RTKN2: variants seen among roughly 807,000 people sequenced by gnomAD.
RTKN2 encodes rhotekin 2.
In RTKN2, 69 loss-of-function variants were observed where a neutral mutation model predicts 71.5. The observed-to-expected ratio is 0.96, with a 90% CI of 0.79 to 1.18. RTKN2 has a LOEUF of 1.18. Among genes scored for constraint, RTKN2 ranks in the 50% most tolerant of loss-of-function variants. RTKN2 has a pLI of 0.00. For synonymous variants in RTKN2, 236 were observed against 236.5 expected (o/e 1.00, Z 0.02); for missense variants, 724 against 719.7 (o/e 1.01, Z -0.07).
chr10:62,225,568 T>C (rs957173433), intron 6 of RTKN2, among the ~76,000 whole-genome samples: 3 of 152,244 alleles, frequency 2.0e-5, no homozygotes, highest in Non-Finnish European at 4.4e-5. Context: ...TCTGGTTATC[T>C]ACATCAGAGA....
At chr10:62,239,471 C>A in intron 5 of RTKN2, 177 bp downstream of exon 5, 3 of 411,504 alleles carry the variant, frequency 7.3e-6, no homozygotes, top group South Asian at 4.5e-5. Flanking sequence ...CAGAAAACTG[C>A]AGATAGAGAA....
intron 8 of RTKN2, among the ~76,000 whole-genome samples, chr10:62,185,792 A>G (rs1841126390): frequency 6.6e-6 from 1 of 152,168 alleles, no homozygotes; most frequent in Non-Finnish European, 1.5e-5. Flanking sequence ...AGCCACCCCA[A>G]TTTGGGGAGT....
chr10:62,215,871 A>T (rs1841759530), intron 9 of RTKN2, among the ~76,000 whole-genome samples: 1 of 152,038 alleles, frequency 6.6e-6, no homozygotes, highest in Admixed American at 6.5e-5. Context: ...AAGTAATGAA[A>T]AAAGCATGTC....
intron 6 of RTKN2, among the ~76,000 whole-genome samples, chr10:62,225,907 G>A (rs990189859): frequency 2.0e-5 from 3 of 151,162 alleles, no homozygotes; most frequent in African/African-American, 4.9e-5. Context: ...TCAGCCTCCC[G>A]AGTAGCTGGG....
chr10:62,206,136 A>C (rs780490633), intron 9 of RTKN2, among the ~76,000 whole-genome samples: 37 of 152,136 alleles, frequency 2.4e-4, no homozygotes, highest in Non-Finnish European at 4.6e-4. Context: ...CACTTACAGC[A>C]CATCTCGATC....
At chr10:62,215,447 T>C (rs1038542979) in intron 9 of RTKN2, among the ~76,000 whole-genome samples, 2 of 152,046 alleles carry the variant, frequency 1.3e-5, no homozygotes, top group African/African-American at 4.8e-5. Context: ...GGATCCTTGA[T>C]GAGGTCCTGG....
At chr10:62,214,381 A>G (rs1007368276) in intron 9 of RTKN2, among the ~76,000 whole-genome samples, 3 of 152,202 alleles carry the variant, frequency 2.0e-5, no homozygotes, top group Non-Finnish European at 4.4e-5. Context: ...TAAATTAATA[A>G]TTTTCCTGTG....
At chr10:62,235,085 A>T (rs1842227826) in intron 6 of RTKN2, among the ~76,000 whole-genome samples, 1 of 152,124 alleles carries the variant, frequency 6.6e-6, no homozygotes, top group African/African-American at 2.4e-5. Context: ...CAAAATATGG[A>T]AAATTCTACA....
In RTKN2 at chr10:62,195,204, T is replaced by A. The variant is rs1231294531; in HGVS notation, c.*2704A>T. The A allele has an allele frequency of 1.0e-6, 1 of 977,610 alleles. No individual in the cohort carries two copies. The highest frequency in any genetic ancestry group is 1.2e-6 in the Non-Finnish European group (1 of 822,986). The allele number at this position is 977,610 out of a possible 1,614,324, so 60.6% of individuals were successfully genotyped here. A position where few individuals can be genotyped will look rare whatever the true frequency, so the allele number is the denominator to read the frequency against. On this transcript the variant is annotated 3_prime_UTR_variant, in exon 12 of 12. Transcript: ENST00000373789. ...ATCAGAATTATCATATCATAAAATA[T>A]CTATTCTGTTTCCCCAATTATATTA... is the stretch of plus-strand genomic sequence containing the variant.
intron 3 of RTKN2, among the ~76,000 whole-genome samples, chr10:62,243,906 T>TAC (rs1165788081): frequency 6.6e-6 from 1 of 152,168 alleles, no homozygotes; most frequent in Non-Finnish European, 1.5e-5. Flanking sequence ...ACTGATTTGG[T>TAC]TTATTCATTA....
At chr10:62,258,481 C>T (rs1054740361) in intron 2 of RTKN2, among the ~76,000 whole-genome samples, 3 of 152,136 alleles carry the variant, frequency 2.0e-5, no homozygotes, top group African/African-American at 7.2e-5. Flanking sequence ...AAGCTTACTT[C>T]TTTATATGAT....
intron 1 of RTKN2, among the ~76,000 whole-genome samples, chr10:62,266,313 T>G (rs1842867605): frequency 6.6e-6 from 1 of 152,074 alleles, no homozygotes; most frequent in South Asian, 2.1e-4. Flanking sequence ...AAAAACTGAC[T>G]AAAAAAACCT....
intron 8 of RTKN2, among the ~76,000 whole-genome samples, chr10:62,186,306 A>C (rs1841136006): frequency 6.6e-6 from 1 of 152,198 alleles, no homozygotes; most frequent in Non-Finnish European, 1.5e-5. Flanking sequence ...AGTTCCAAAA[A>C]AGTTTCCTTT....
rs1841358892 is a variant in RTKN2 at position 62,197,826 on chromosome 10, T to A, written c.*82A>T. The A allele has an allele frequency of 6.8e-7, 1 of 1,463,752 alleles. No homozygotes were observed. Among genetic ancestry groups the A allele is most frequent in the African/African-American group, 1.4e-5 (1 of 69,856 alleles). 90.7% of individuals were successfully genotyped at this position (1,463,752 alleles called of 1,614,324 possible). A position where few individuals can be genotyped will look rare whatever the true frequency, so the allele number is the denominator to read the frequency against. ...GTATAAATCACTATATTTACCTATA[T>A]AATTACACATTATTCTATAATGCCT... is the stretch of plus-strand genomic sequence containing the variant. On this transcript the variant is annotated 3_prime_UTR_variant, in exon 12 of 12. Transcript: ENST00000373789.
intron 8 of RTKN2, among the ~76,000 whole-genome samples, chr10:62,185,519 G>C (rs1410071636): frequency 6.6e-6 from 1 of 152,174 alleles, no homozygotes. Context: ...AGGAGGCTGA[G>C]GCAGGAGAAC....
downstream of RTKN2, among the ~76,000 whole-genome samples, chr10:62,188,417 A>G (rs1469564484): frequency 6.6e-6 from 1 of 152,210 alleles, no homozygotes; most frequent in Non-Finnish European, 1.5e-5. Flanking sequence ...GTCACAGAGT[A>G]TCACTTCCAT....
At chr10:62,263,527 A>G (rs1362218088) in intron 1 of RTKN2, among the ~76,000 whole-genome samples, 2 of 152,218 alleles carry the variant, frequency 1.3e-5, no homozygotes, top group Non-Finnish European at 2.9e-5. Flanking sequence ...ACTAATGTGA[A>G]CAATATATCA....
chr10:62,212,491 C>T (rs529818658), intron 9 of RTKN2, among the ~76,000 whole-genome samples: 6 of 151,936 alleles, frequency 3.9e-5, no homozygotes, highest in Non-Finnish European at 8.8e-5. Context: ...TTGCTTGAGC[C>T]GAGGAGTTTG....
chr10:62,204,688 G>A (rs867486194), intron 10 of RTKN2, among the ~76,000 whole-genome samples, 169 bp downstream of exon 10: 14 of 152,218 alleles, frequency 9.2e-5, no homozygotes, highest in South Asian at 6.2e-4. Context: ...TCAGGCACTG[G>A]AAAGAGATTG....
Sources: gnomAD v4.1 joint callset for allele counts (sites outside exome capture counted in the v4.1 genomes callset) on GRCh38, gnomAD v4.1.1 for gene constraint, MANE v1.5 for transcripts, NCBI Gene and HGNC (gene_info 2026-07-23, HGNC 2026-07-21) for gene names.